TTC27: variants seen among roughly 807,000 people sequenced by gnomAD.
The protein encoded by TTC27 is tetratricopeptide repeat domain 27.
TTC27 carries 79 observed loss-of-function variants against 115.9 expected under a neutral mutation model. The ratio of observed to expected loss-of-function variants is 0.68; its 90% CI spans 0.57 to 0.82. TTC27 has a LOEUF of 0.82. Ranked by LOEUF, TTC27 falls within the 40% of genes least tolerant of loss-of-function variation. TTC27 has a pLI of 0.00. For missense variants in TTC27, 1,054 were observed against 993.1 expected, an observed-to-expected ratio of 1.06 and a Z score of -0.82; for synonymous variants, 401 against 356.0, an observed-to-expected ratio of 1.13 and a Z score of -1.42.
rs142030247 is a variant in TTC27, at chr2:32,682,844, G to GTTTTTTTTTTTTTTTTTTTTTT, written c.1119+3924_1119+3925insTTTTTTTTTTTTTTTTTTTTTT. Among the ~76,000 whole-genome samples the GTTTTTTTTTTTTTTTTTTTTTT allele has an allele frequency of 1.1e-4, 6 of 56,986 alleles. 2 individuals are homozygous for GTTTTTTTTTTTTTTTTTTTTTT. Among genetic ancestry groups the GTTTTTTTTTTTTTTTTTTTTTT allele is most frequent in the Non-Finnish European group, 1.5e-4 (5 of 33,228 alleles). The allele number at this position is 56,986 out of a possible 152,430, so 37.4% of individuals were successfully genotyped here. On this transcript the variant is annotated intron_variant, in intron 9 of 19. Coordinates refer to ENST00000317907, the MANE Select transcript of TTC27 (RefSeq NM_017735.5). The stretch of plus-strand genomic sequence containing the variant: ...CCACCACACCCGGATAATTTTTATT[G>GTTTTTTTTTTTTTTTTTTTTTT]TTGTTTTTTTTTTTTTTTTTTTTTT...
At chr2:32,647,718 G>A (rs887320785) in intron 4 of TTC27, among the ~76,000 whole-genome samples, 5 of 152,052 alleles carry the variant, frequency 3.3e-5, no homozygotes, top group African/African-American at 9.7e-5. Flanking sequence ...TATACCTGTC[G>A]TCCCAGGTAC....
chr2:32,812,527 A>C lies in TTC27; in HGVS notation c.2220A>C (p.Ala740=), dbSNP rs762208155. 6.2e-7 allele frequency: 1 copy of C among 1,613,816 alleles called. No homozygotes were observed. The highest frequency in any genetic ancestry group is 1.3e-5 in the African/African-American group (1 of 74,934). ...AGGCATTCCAGTGCCTCTCAAAGGC[A>C]TACAAGTGTGACACCCAGTCCAATT... is the stretch of plus-strand genomic sequence containing the variant. ...NEKAFQCLSK[A]YKCDTQSNCW... is the part of the protein sequence containing the mutation. The change falls in exon 18 of 20, where the codon GCA becomes GCC. Residue 740 remains alanine, a synonymous_variant. Coordinates refer to ENST00000317907, the MANE Select transcript of TTC27 (RefSeq NM_017735.5).
intron 8 of TTC27, among the ~76,000 whole-genome samples, chr2:32,675,839 T>A (rs1666178428): frequency 2.0e-5 from 3 of 152,032 alleles, no homozygotes; most frequent in Non-Finnish European, 2.9e-5. Flanking sequence ...TTGGCCAGGC[T>A]AGAGTACAAT....
Position 32,633,835 on chromosome 2 carries a change from T to C in TTC27, c.267-41T>C, listed in dbSNP as rs751773609. 2.5e-6 allele frequency: 4 copies of C among 1,593,070 alleles called. No homozygotes were observed. In the South Asian group the frequency reaches 4.5e-5, roughly 18 times the overall value. On this transcript the variant is annotated intron_variant, in intron 2 of 19. Coordinates refer to ENST00000317907, the MANE Select transcript of TTC27 (RefSeq NM_017735.5). The stretch of plus-strand genomic sequence containing the variant: ...TAGTGTGTTTGAGATTATACAGTGA[T>C]AGTAGTTCATATTTATTTCTTTAAC...
At chr2:32,708,004 G>A (rs1184851170) in intron 10 of TTC27, among the ~76,000 whole-genome samples, 1 of 152,054 alleles carries the variant, frequency 6.6e-6, no homozygotes, top group East Asian at 1.9e-4. Flanking sequence ...GGACACAGTA[G>A]CTAATCTAAA....
At chr2:32,798,323 C>T (rs190684612) in intron 16 of TTC27, among the ~76,000 whole-genome samples, 2 of 151,728 alleles carry the variant, frequency 1.3e-5, no homozygotes, top group Non-Finnish European at 2.9e-5. Flanking sequence ...TGGAGTGGAC[C>T]CAGGAGGTGG....
intron 1 of TTC27, 135 bp downstream of exon 1, chr2:32,628,515 T>C: frequency 1.1e-6 from 1 of 909,158 alleles, no homozygotes; most frequent in Non-Finnish European, 1.6e-6. Context: ...TTGGGTCGTT[T>C]AGTCTTTGAC....
At chr2:32,799,980 A>G (rs992012504) in intron 16 of TTC27, among the ~76,000 whole-genome samples, 5 of 152,204 alleles carry the variant, frequency 3.3e-5, no homozygotes, top group Non-Finnish European at 1.5e-5. Flanking sequence ...TAGGCAGCCC[A>G]TTTCTGCCAG....
At chr2:32,817,602 G>A (rs1671548957) in intron 19 of TTC27, 45 bp downstream of exon 19, 1 of 1,516,808 alleles carries the variant, frequency 6.6e-7, no homozygotes, top group Admixed American at 1.7e-5. Context: ...TATAGAAAAA[G>A]GTCATTAGTA....
intron 5 of TTC27, among the ~76,000 whole-genome samples, chr2:32,662,345 A>G (rs1665579670): frequency 6.6e-6 from 1 of 152,184 alleles, no homozygotes; most frequent in African/African-American, 2.4e-5. Flanking sequence ...AAGGAATGGT[A>G]CCAGCTCCTC....
intron 10 of TTC27, among the ~76,000 whole-genome samples, chr2:32,716,918 T>A (rs1041837105): frequency 6.6e-6 from 1 of 152,082 alleles, no homozygotes; most frequent in East Asian, 1.9e-4. Flanking sequence ...GGCCTCAGAC[T>A]TCTAGGCTCA....
chr2:32,647,497 A>G (rs987342711), intron 4 of TTC27, among the ~76,000 whole-genome samples: 3 of 152,230 alleles, frequency 2.0e-5, no homozygotes, highest in African/African-American at 7.2e-5. Context: ...ATATTTCCTT[A>G]CATGGACTGA....
At chr2:32,749,199 A>G (rs970869480) in intron 12 of TTC27, among the ~76,000 whole-genome samples, 1 of 152,148 alleles carries the variant, frequency 6.6e-6, no homozygotes, top group African/African-American at 2.4e-5. Flanking sequence ...AGTCATTTCT[A>G]GTTGTTTTTT....
chr2:32,755,929 C>T (rs1669217085), intron 12 of TTC27, among the ~76,000 whole-genome samples: 1 of 152,166 alleles, frequency 6.6e-6, no homozygotes, highest in Non-Finnish European at 1.5e-5. Flanking sequence ...CATTAGGTAA[C>T]TGTCTTAGTT....
chr2:32,718,134 T>C (rs965267075), intron 10 of TTC27, among the ~76,000 whole-genome samples: 2 of 152,322 alleles, frequency 1.3e-5, no homozygotes, highest in Admixed American at 1.3e-4. Flanking sequence ...TATGACTCTA[T>C]AGATGAAACA....
Position 32,747,968 on chromosome 2 carries a change from A to C in TTC27, c.1453-10324A>C, listed in dbSNP as rs150933177. ...TTGATCCTCTGTTTTTTAAATTTAT[A>C]CCCTAATTTTTATTTCCTTTCTTCT... is the stretch of plus-strand genomic sequence containing the variant. On this transcript the variant is annotated intron_variant, in intron 12 of 19. Coordinates refer to ENST00000317907, the MANE Select transcript of TTC27 (RefSeq NM_017735.5). Among the ~76,000 whole-genome samples the C allele has an allele frequency of 1.5e-3, 221 of 151,858 alleles. 2 individuals are homozygous for C. The highest frequency in any genetic ancestry group is 0.011 in the East Asian group (59 of 5,172).
At chr2:32,740,171 T>C (rs751571577) in intron 12 of TTC27, among the ~76,000 whole-genome samples, 14 of 152,326 alleles carry the variant, frequency 9.2e-5, no homozygotes, top group Non-Finnish European at 1.8e-4. Context: ...CTGATAGATG[T>C]ATTCTTATTT....
intron 9 of TTC27, among the ~76,000 whole-genome samples, chr2:32,681,748 G>T (rs900218138): frequency 6.7e-6 from 1 of 150,184 alleles, no homozygotes; most frequent in African/African-American, 2.5e-5. Context: ...TATGATGTTT[G>T]GTAGGACAGG....
intron 10 of TTC27, among the ~76,000 whole-genome samples, chr2:32,722,068 G>C (rs1667950719): frequency 6.6e-6 from 1 of 152,162 alleles, no homozygotes; most frequent in African/African-American, 2.4e-5. Flanking sequence ...CTTTATAGGA[G>C]GGGAAGTTTA....
Sources: allele counts gnomAD v4.1 joint callset (sites outside exome capture counted in the v4.1 genomes callset), GRCh38; gene constraint gnomAD v4.1.1; transcripts MANE v1.5; gene names NCBI Gene and HGNC (gene_info 2026-07-23, HGNC 2026-07-21).